Variants in CD8B observed in about 807,000 individuals in gnomAD.
The protein encoded by CD8B is T-cell surface glycoprotein CD8 beta chain.
Under a neutral mutation model 24.2 loss-of-function variants are expected in CD8B, and 6 were observed. That is an observed-to-expected ratio of 0.25 (90% CI 0.14 to 0.49). The LOEUF (loss-of-function observed/expected upper bound fraction) is 0.49. Ranked by LOEUF, CD8B falls within the 20% of genes least tolerant of loss-of-function variation. The probability of loss-of-function intolerance (pLI) is 0.98; values close to 1 mark genes in which losing one functional copy is unlikely to be tolerated. For synonymous variants in CD8B, 84 were observed against 108.3 expected, an observed-to-expected ratio of 0.78 and a Z score of 1.39; for missense variants, 196 against 271.3, an observed-to-expected ratio of 0.72 and a Z score of 1.95.
rs1486248971 is a variant in CD8B, at chr2:86,840,635, C to A, written c.*1672G>T. Among the ~76,000 whole-genome samples the A allele has an allele frequency of 6.6e-6, 1 of 152,180 alleles. No individual in the cohort carries two copies. The highest frequency in any genetic ancestry group is 1.5e-5 in the Non-Finnish European group (1 of 68,032). On this transcript the variant is annotated 3_prime_UTR_variant, in exon 6 of 6. Coordinates refer to ENST00000390655, the MANE Select transcript of CD8B (RefSeq NM_004931.5). ...GGCCCATGGGCTATCTGCTTAGGGT[C>A]CACTCCTACCATGTGGAGTGCTTTC...
At chr2:86,821,802 C>T (rs1415307017) in intron 5 of CD8B, 1 of 383,486 alleles carries the variant, frequency 2.6e-6, no homozygotes, top group Non-Finnish European at 5.6e-6. Context: ...CCCGTCCTCT[C>T]CAAAGGGAAT....
At chr2:86,844,739 C>T (rs1005589024) in intron 5 of CD8B, 183 bp downstream of exon 5, 2 of 1,526,198 alleles carry the variant, frequency 1.3e-6, no homozygotes, top group Admixed American at 2.0e-5. Context: ...AACTCCTGGG[C>T]TCAAGTGATC....
intron 5 of CD8B, chr2:86,815,829 T>C (rs1161329384): frequency 2.8e-6 from 2 of 712,216 alleles, no homozygotes; most frequent in Non-Finnish European, 5.1e-6. Context: ...TCAGATGTTG[T>C]GTCAAATTCA....
chr2:86,824,218 T>C (rs1358031049), intron 5 of CD8B, among the ~76,000 whole-genome samples: 1 of 152,132 alleles, frequency 6.6e-6, no homozygotes, highest in African/African-American at 2.4e-5. Flanking sequence ...GCCACACTTT[T>C]ACCTATGTGA....
intron 5 of CD8B, chr2:86,843,572 T>C: frequency 1.0e-6 from 1 of 983,430 alleles, no homozygotes; most frequent in Non-Finnish European, 1.2e-6. Flanking sequence ...TCGATATAAA[T>C]ATAATGTGTA....
intron 3 of CD8B, among the ~76,000 whole-genome samples, chr2:86,849,786 C>T (rs1257543246): frequency 6.6e-6 from 1 of 151,332 alleles, no homozygotes; most frequent in African/African-American, 2.4e-5. Flanking sequence ...TCACCACAAC[C>T]TCCGCCTCCT....
intron 3 of CD8B, among the ~76,000 whole-genome samples, chr2:86,850,087 G>T (rs1274279177): frequency 1.1e-4 from 16 of 152,162 alleles, no homozygotes; most frequent in Admixed American, 1.0e-3. Context: ...CTGAGGAGAG[G>T]TCATGGTTAA....
At chr2:86,830,426 G>T (rs1461072769) in intron 5 of CD8B, among the ~76,000 whole-genome samples, 1 of 152,056 alleles carries the variant, frequency 6.6e-6, no homozygotes, top group Non-Finnish European at 1.5e-5. Context: ...ATTTAGCCAG[G>T]TGTGGTAGCA....
At chr2:86,830,668 A>G (rs1467718924) in intron 5 of CD8B, among the ~76,000 whole-genome samples, 2 of 152,112 alleles carry the variant, frequency 1.3e-5, no homozygotes, top group African/African-American at 4.8e-5. Flanking sequence ...AAAAAAAAAT[A>G]CACAAATTTG....
At chr2:86,831,983 G>T (rs1219663357) in intron 5 of CD8B, among the ~76,000 whole-genome samples, 1 of 152,214 alleles carries the variant, frequency 6.6e-6, no homozygotes, top group Non-Finnish European at 1.5e-5. Flanking sequence ...ATTGGCCATT[G>T]TAATAACAAA....
At chr2:86,816,789 A>G (rs1446544308) in intron 5 of CD8B, among the ~76,000 whole-genome samples, 2 of 152,256 alleles carry the variant, frequency 1.3e-5, no homozygotes, top group Non-Finnish European at 2.9e-5. Flanking sequence ...AGACAGAGAC[A>G]TGATAAGGCA....
rs1675266064 is a variant in CD8B at position 86,838,476 on chromosome 2, AG to A, written c.*3830del. On this transcript the variant is annotated 3_prime_UTR_variant, in exon 6 of 6. Coordinates refer to ENST00000390655, the MANE Select transcript of CD8B (RefSeq NM_004931.5). ...ATTTTATGTTTTAAAAAATATGGGA[AG>A]AAAAAAAAACAAGAAACTTTTTAGA... is the stretch of plus-strand genomic sequence containing the variant. Among the ~76,000 whole-genome samples the A allele has an allele frequency of 6.8e-6, 1 of 146,368 alleles. No homozygotes were observed. The highest frequency in any genetic ancestry group is 1.5e-5 in the Non-Finnish European group (1 of 65,056).
rs550516113 is a variant in CD8B at position 86,825,454 on chromosome 2, A to T, written c.621-9736T>A. ...TCTTTGCTCATTTCAATCTGACCCCATTTGAATCCCCAAGGGTCGCAGTAA... is the reference window on the plus strand; with the variant it reads ...TCTTTGCTCATTTCAATCTGACCCCTTTTGAATCCCCAAGGGTCGCAGTAA... On this transcript the variant is annotated intron_variant, in intron 5 of 5. Coordinates refer to the CD8B transcript ENST00000331469. 1.5e-4 allele frequency among the ~76,000 whole-genome samples: 23 copies of T among 152,258 alleles called. No individual in the cohort carries two copies. In the South Asian group the frequency reaches 4.8e-3, roughly 32 times the overall value.
chr2:86,835,234 T>G (rs2104526595), downstream of CD8B, among the ~76,000 whole-genome samples: 1 of 152,206 alleles, frequency 6.6e-6, no homozygotes, highest in East Asian at 1.9e-4. Flanking sequence ...CAACATGGCT[T>G]TCTGAGTTTC....
chr2:86,833,524 C>G (rs1248837595), downstream of CD8B, among the ~76,000 whole-genome samples: 1 of 133,036 alleles, frequency 7.5e-6, no homozygotes, highest in Non-Finnish European at 1.6e-5. Context: ...CTCCCCTCCC[C>G]TCCGCTCTCC....
At chr2:86,830,527 A>G (rs1674866756) in intron 5 of CD8B, among the ~76,000 whole-genome samples, 1 of 151,596 alleles carries the variant, frequency 6.6e-6, no homozygotes, top group Non-Finnish European at 1.5e-5. Flanking sequence ...AGATCGTGCC[A>G]CTGCACTCCA....
At chr2:86,835,498 C>G (rs566350399), downstream of CD8B, among the ~76,000 whole-genome samples, 551 of 152,020 alleles carry the variant, frequency 3.6e-3, 7 homozygotes, top group African/African-American at 0.012. Flanking sequence ...CTATGTCCCC[C>G]AAACTTGGCT....
chr2:86,822,759 A>G (rs1194437656), intron 5 of CD8B, among the ~76,000 whole-genome samples: 1 of 152,174 alleles, frequency 6.6e-6, no homozygotes, highest in African/African-American at 2.4e-5. Flanking sequence ...CCAGAGAGCA[A>G]TGTTCAGTGC....
chr2:86,829,641 G>A (rs1292759557), intron 5 of CD8B, among the ~76,000 whole-genome samples: 3 of 152,154 alleles, frequency 2.0e-5, no homozygotes, highest in African/African-American at 7.2e-5. Context: ...ACTACACAAA[G>A]CCCTCTTCAA....
Sources: allele counts gnomAD v4.1 joint callset (sites outside exome capture counted in the v4.1 genomes callset), GRCh38; gene constraint gnomAD v4.1.1; transcripts MANE v1.5; gene names NCBI Gene and HGNC (gene_info 2026-07-23, HGNC 2026-07-21).